NDST4: variants seen among roughly 807,000 people sequenced by gnomAD.
The protein encoded by NDST4 is N-deacetylase and N-sulfotransferase 4.
In NDST4, 63 loss-of-function variants were observed where a neutral mutation model predicts 100.8. The observed-to-expected ratio is 0.62, with a 90% CI of 0.51 to 0.77. The LOEUF (loss-of-function observed/expected upper bound fraction) is 0.77. Among genes scored for constraint, NDST4 ranks in the 30% least tolerant of loss-of-function variants. The pLI is 0.00. For synonymous variants in NDST4, 377 were observed against 361.8 expected (o/e 1.04, Z -0.48); for missense variants, 943 against 1,018.4 (o/e 0.93, Z 1.01).
intron 7 of NDST4, among the ~76,000 whole-genome samples, chr4:114,867,484 T>G (rs141181750): frequency 4.6e-5 from 7 of 151,952 alleles, no homozygotes; most frequent in African/African-American, 1.2e-4. Context: ...ACATCATGTT[T>G]GGCATGTTTG....
intron 2 of NDST4, among the ~76,000 whole-genome samples, chr4:115,062,713 T>C (rs1017836932): frequency 5.3e-5 from 8 of 151,126 alleles, no homozygotes; most frequent in African/African-American, 1.7e-4. Context: ...AAAAAAGAAA[T>C]AGTCATTAAA....
rs1391736224 is a variant in NDST4 at position 114,847,416 on chromosome 4, A to AAAAT, written c.1940+798_1940+799insATTT. On this transcript the variant is annotated intron_variant, in intron 9 of 13. Coordinates refer to ENST00000264363, the MANE Select transcript of NDST4 (RefSeq NM_022569.3). ...AAAAAAAAAAAAAAAAAAAAAAAAA[A>AAAAT]GTGTCTTTCATTGCAAACAGGTTCA... Among the ~76,000 whole-genome samples the AAAAT allele has an allele frequency of 2.4e-3, 253 of 103,632 alleles. 25 individuals carry two copies. Among genetic ancestry groups the AAAAT allele is most frequent in the East Asian group, 5.2e-3 (19 of 3,660 alleles). 68.0% of individuals were successfully genotyped at this position (103,632 alleles called of 152,430 possible). A position where few individuals can be genotyped will look rare whatever the true frequency, so the allele number is the denominator to read the frequency against.
chr4:114,924,434 GAA>G (rs573486874), intron 6 of NDST4, among the ~76,000 whole-genome samples: 5 of 116,274 alleles, frequency 4.3e-5, no homozygotes, highest in Middle Eastern at 4.5e-3. Flanking sequence ...TTTAAGGATA[GAA>G]AAAAAAAAAG....
At chr4:115,067,935 T>A (rs1055749577) in intron 2 of NDST4, among the ~76,000 whole-genome samples, 3 of 123,210 alleles carry the variant, frequency 2.4e-5, no homozygotes, top group Non-Finnish European at 4.8e-5. Flanking sequence ...GATGTTCCCC[T>A]TCCTGTGTCC....
At chr4:114,976,547 A>C in intron 3 of NDST4, among the ~76,000 whole-genome samples, 1 of 152,008 alleles carries the variant, frequency 6.6e-6, no homozygotes, top group Non-Finnish European at 1.5e-5. Flanking sequence ...CATGAATAGC[A>C]ATCACATTTT....
intron 2 of NDST4, among the ~76,000 whole-genome samples, chr4:114,999,489 T>C (rs1314520661): frequency 2.0e-5 from 3 of 152,162 alleles, no homozygotes; most frequent in African/African-American, 7.2e-5. Context: ...AGCAAGTGAT[T>C]AATATTATCA....
rs548662832 is a variant in NDST4 at position 115,093,397 on chromosome 4, T to C, written c.-246-16115A>G. Among the ~76,000 whole-genome samples, 1,077 of 151,520 alleles carry C rather than the reference T, an allele frequency of 7.1e-3. 6 individuals are homozygous for C. Among genetic ancestry groups the C allele is most frequent in the Middle Eastern group, 0.02 (6 of 294 alleles). On this transcript the variant is annotated intron_variant, in intron 1 of 13. Coordinates refer to ENST00000264363, the MANE Select transcript of NDST4 (RefSeq NM_022569.3). ...GGCTGAGGCAGGAGAATGGCGTGAA[T>C]CCGGGAGGCAGAGCTTGTAGTGAGC...
intron 6 of NDST4, among the ~76,000 whole-genome samples, chr4:114,881,597 T>A (rs1384286044): frequency 6.6e-6 from 1 of 152,022 alleles, no homozygotes; most frequent in Non-Finnish European, 1.5e-5. Context: ...TTATACAGCC[T>A]CTAATCTGCA....
chr4:114,986,566 T>C (rs1726905663), intron 2 of NDST4, among the ~76,000 whole-genome samples: 1 of 151,932 alleles, frequency 6.6e-6, no homozygotes, highest in African/African-American at 2.4e-5. Context: ...TCTCTTTCAA[T>C]TGTATCTTAT....
At chr4:115,053,369 G>A (rs1728625262) in intron 2 of NDST4, among the ~76,000 whole-genome samples, 1 of 151,972 alleles carries the variant, frequency 6.6e-6, no homozygotes, top group Admixed American at 6.6e-5. Flanking sequence ...TTGTCTCAGG[G>A]CTTTACATTT....
chr4:114,829,268 G>A (rs890506844), intron 13 of NDST4, among the ~76,000 whole-genome samples: 9 of 151,098 alleles, frequency 6.0e-5, no homozygotes, highest in Middle Eastern at 3.4e-3. Context: ...TTTTCCTGCC[G>A]TTTTCTGGTT....
rs758545689 is a variant in NDST4, at chr4:114,937,521, C to A, written c.1222-18G>T. The stretch of plus-strand genomic sequence containing the variant: ...CCATGTTCCTAAAACAAAGCCAGAA[C>A]AACATCATGATGGGACAAGGCCAAT... On this transcript the variant is annotated intron_variant, in intron 4 of 13. Transcript: ENST00000264363. 4 of 1,527,628 alleles carry A rather than the reference C, an allele frequency of 2.6e-6. No homozygotes were observed. Among genetic ancestry groups the A allele is most frequent in the East Asian group, 2.3e-5 (1 of 43,562 alleles). The allele number at this position is 1,527,628 out of a possible 1,614,324, so 94.6% of individuals were successfully genotyped here.
intron 3 of NDST4, among the ~76,000 whole-genome samples, chr4:114,972,879 G>A (rs1160136105): frequency 6.6e-6 from 1 of 152,006 alleles, no homozygotes; most frequent in Admixed American, 6.6e-5. Context: ...ACAGATGCAT[G>A]ACTGATCATA....
At chr4:114,854,546 G>A (rs1057264919) in intron 7 of NDST4, among the ~76,000 whole-genome samples, 9 of 152,126 alleles carry the variant, frequency 5.9e-5, no homozygotes, top group Non-Finnish European at 7.4e-5. Flanking sequence ...TCGGCTCACC[G>A]CAACCTTCGC....
intron 5 of NDST4, among the ~76,000 whole-genome samples, chr4:114,935,866 G>A (rs908958432): frequency 2.6e-5 from 4 of 152,000 alleles, no homozygotes; most frequent in African/African-American, 9.7e-5. Flanking sequence ...ATATTTTGTG[G>A]TTACTTCTTT....
chr4:115,036,131 TG>T (rs1409810553), intron 2 of NDST4, among the ~76,000 whole-genome samples: 2 of 151,800 alleles, frequency 1.3e-5, no homozygotes, highest in African/African-American at 4.8e-5. Context: ...ATTTTTTATG[TG>T]TTTTTTTATA....
intron 2 of NDST4, among the ~76,000 whole-genome samples, chr4:114,990,996 T>C (rs760433028): frequency 6.6e-6 from 1 of 152,078 alleles, no homozygotes; most frequent in Non-Finnish European, 1.5e-5. Flanking sequence ...TTATTTGCTG[T>C]CTTCTGAGAG....
chr4:114,937,940 G>T (rs2126226442), intron 4 of NDST4, among the ~76,000 whole-genome samples: 1 of 152,052 alleles, frequency 6.6e-6, no homozygotes, highest in East Asian at 1.9e-4. Flanking sequence ...GAATAATGAA[G>T]TGATGAGCTT....
intron 7 of NDST4, among the ~76,000 whole-genome samples, chr4:114,866,947 G>T (rs1256079117): frequency 6.6e-6 from 1 of 152,164 alleles, no homozygotes; most frequent in East Asian, 1.9e-4. Context: ...TTCATTTGAT[G>T]TAGAGTTGAT....
Sources: allele counts gnomAD v4.1 joint callset (sites outside exome capture counted in the v4.1 genomes callset), GRCh38; gene constraint gnomAD v4.1.1; transcripts MANE v1.5; gene names NCBI Gene and HGNC (gene_info 2026-07-23, HGNC 2026-07-21).